The following CACNA2D1 variants were observed in gnomAD, a reference collection of about 807,000 sequenced individuals.
The protein encoded by CACNA2D1 is calcium voltage-gated channel auxiliary subunit alpha2delta 1.
In CACNA2D1, 53 loss-of-function variants were observed where a neutral mutation model predicts 171.5. The observed-to-expected ratio is 0.31, with a 90% CI of 0.25 to 0.39. The LOEUF (loss-of-function observed/expected upper bound fraction) is 0.39. CACNA2D1 is among the 10% of genes least tolerant of loss of function. The pLI, the probability that CACNA2D1 is intolerant of heterozygous loss-of-function variation, is 1.00. For missense variants in CACNA2D1, 903 were observed against 1,299.8 expected (o/e 0.69, Z 4.69); for synonymous variants, 442 against 443.1 (o/e 1.00, Z 0.03).
At chr7:82,185,085 C>G (rs1797525529) in intron 3 of CACNA2D1, among the ~76,000 whole-genome samples, 1 of 152,102 alleles carries the variant, frequency 6.6e-6, no homozygotes, top group South Asian at 2.1e-4. Context: ...ACAACTTGCT[C>G]TCAACATCAC....
chr7:82,236,082 T>C (rs1385188869), intron 3 of CACNA2D1, among the ~76,000 whole-genome samples: 4 of 151,934 alleles, frequency 2.6e-5, no homozygotes, highest in Non-Finnish European at 4.4e-5. Flanking sequence ...TAGGCTAACA[T>C]TTGGCAAAAT....
At chr7:81,970,085 A>C in intron 27 of CACNA2D1, 101 bp from the exon 28 acceptor site, 30 of 748,082 alleles carry the variant, frequency 4.0e-5, no homozygotes, top group East Asian at 7.8e-5. Context: ...CCTACATCTC[A>C]GGTATGTCTA....
intron 3 of CACNA2D1, among the ~76,000 whole-genome samples, chr7:82,209,625 A>G (rs1307708437): frequency 1.3e-5 from 2 of 152,190 alleles, no homozygotes; most frequent in African/African-American, 2.4e-5. Flanking sequence ...ATAAGAAGAT[A>G]GATTCCAACA....
At chr7:82,370,590 G>A (rs1822293414) in intron 1 of CACNA2D1, among the ~76,000 whole-genome samples, 1 of 151,968 alleles carries the variant, frequency 6.6e-6, no homozygotes, top group Non-Finnish European at 1.5e-5. Flanking sequence ...TAGAAATAGA[G>A]ATATACAGAT....
chr7:82,231,678 T>G (rs1160023087), intron 3 of CACNA2D1, among the ~76,000 whole-genome samples: 3 of 152,072 alleles, frequency 2.0e-5, no homozygotes, highest in Non-Finnish European at 4.4e-5. Flanking sequence ...TATTATGCAC[T>G]TTCCCTCTTC....
At chr7:82,106,534 T>A (rs1358073627) in intron 6 of CACNA2D1, among the ~76,000 whole-genome samples, 4 of 152,048 alleles carry the variant, frequency 2.6e-5, no homozygotes, top group African/African-American at 7.2e-5. Context: ...ATTTTTTTTT[T>A]AAACAGTAAA....
intron 3 of CACNA2D1, among the ~76,000 whole-genome samples, chr7:82,248,547 A>C (rs1194184654): frequency 6.6e-6 from 1 of 152,242 alleles, no homozygotes; most frequent in African/African-American, 2.4e-5. Context: ...AATACTTTGA[A>C]GAACAAAGTG....
At chr7:81,996,941 A>G (rs1015149510) in intron 19 of CACNA2D1, among the ~76,000 whole-genome samples, 1 of 152,054 alleles carries the variant, frequency 6.6e-6, no homozygotes, top group Non-Finnish European at 1.5e-5. Flanking sequence ...GTCTACCTTT[A>G]GGAAGAGAAA....
At chr7:82,390,115 C>T (rs1824924153) in intron 1 of CACNA2D1, among the ~76,000 whole-genome samples, 1 of 152,072 alleles carries the variant, frequency 6.6e-6, no homozygotes, top group Non-Finnish European at 1.5e-5. Context: ...GTAGGTGTGG[C>T]TCATTTGAAT....
chr7:82,150,420 C>CT (rs1272308383), intron 4 of CACNA2D1, among the ~76,000 whole-genome samples: 7 of 102,136 alleles, frequency 6.9e-5, no homozygotes, highest in African/African-American at 2.7e-4. Context: ...AAAGCTTTCC[C>CT]TTAAAAAAAA....
At chr7:82,050,351 G>C (rs1462820145) in intron 10 of CACNA2D1, 4 of 462,234 alleles carry the variant, frequency 8.7e-6, no homozygotes, top group African/African-American at 7.8e-5. Flanking sequence ...CAGAGACAAA[G>C]AGTTTATTAC....
At chr7:82,349,513 A>C in intron 2 of CACNA2D1, 55 bp downstream of exon 2, 2 of 1,299,924 alleles carry the variant, frequency 1.5e-6, no homozygotes, top group Non-Finnish European at 2.2e-6. Flanking sequence ...AGAAGATAGA[A>C]CTGCATTCGA....
intron 2 of CACNA2D1, among the ~76,000 whole-genome samples, chr7:82,343,615 C>T (rs748495480): frequency 6.6e-6 from 1 of 152,144 alleles, no homozygotes; most frequent in Non-Finnish European, 1.5e-5. Flanking sequence ...CATTAACATA[C>T]ACAAATAACA....
intron 26 of CACNA2D1, 118 bp downstream of exon 26, chr7:81,971,658 GA>G (rs1795287908): frequency 1.5e-6 from 1 of 683,344 alleles, no homozygotes; most frequent in East Asian, 2.8e-5. Flanking sequence ...TGATTTTCTT[GA>G]GAAATATTAA....
intron 7 of CACNA2D1, among the ~76,000 whole-genome samples, chr7:82,070,869 A>G (rs1020270307): frequency 6.6e-5 from 10 of 152,180 alleles, no homozygotes; most frequent in African/African-American, 1.9e-4. Context: ...TTTGAACATC[A>G]AATTTTCTGT....
chr7:81,973,860 T>C (rs1795555461), intron 25 of CACNA2D1, among the ~76,000 whole-genome samples: 1 of 152,060 alleles, frequency 6.6e-6, no homozygotes, highest in Admixed American at 6.6e-5. Flanking sequence ...CAAATTTACC[T>C]GAAAGACAAA....
intron 1 of CACNA2D1, among the ~76,000 whole-genome samples, chr7:82,424,317 C>T (rs1419268210): frequency 6.6e-6 from 1 of 152,076 alleles, no homozygotes; most frequent in East Asian, 1.9e-4. Context: ...TACTGAGCAC[C>T]CAGTACATAA....
chr7:82,433,342 T>A (rs1317474089), intron 1 of CACNA2D1, among the ~76,000 whole-genome samples: 5 of 152,182 alleles, frequency 3.3e-5, no homozygotes, highest in Non-Finnish European at 1.5e-5. Context: ...TGGAGTCTTG[T>A]TACTACCACT....
Position 81,964,461 on chromosome 7 carries a change from T to G in CACNA2D1, c.2575-102A>C, listed in dbSNP as rs561899173. The stretch of plus-strand genomic sequence containing the variant: ...GTGAAAAGAAATAATACAAAGAAAC[T>G]GAACTACAACTGAGGAGCTTAAAAA... On this transcript the variant is annotated intron_variant, in intron 32 of 38. Transcript: ENST00000356860. The G allele has an allele frequency of 2.6e-5, 23 of 900,908 alleles. No homozygotes were observed. In the East Asian group the frequency reaches 6.0e-4, roughly 23 times the overall value. 55.8% of individuals were successfully genotyped at this position (900,908 alleles called of 1,614,324 possible).
Sources: allele counts gnomAD v4.1 joint callset (sites outside exome capture counted in the v4.1 genomes callset), GRCh38; gene constraint gnomAD v4.1.1; transcripts MANE v1.5; gene names NCBI Gene and HGNC (gene_info 2026-07-23, HGNC 2026-07-21).